AGMO: variants seen among roughly 807,000 people sequenced by gnomAD.
AGMO encodes glyceryl-ether monooxygenase.
In AGMO, 75 loss-of-function variants were observed where a neutral mutation model predicts 60.2. That is an observed-to-expected ratio of 1.25 (90% CI 1.03 to 1.51). The LOEUF (loss-of-function observed/expected upper bound fraction) is 1.51, where lower values mean the gene tolerates loss of function less well. AGMO is among the 40% of genes most tolerant of loss of function. The pLI is 0.00. For synonymous variants in AGMO, 261 were observed against 177.1 expected, an observed-to-expected ratio of 1.47 and a Z score of -3.76; for missense variants, 763 against 525.5, an observed-to-expected ratio of 1.45 and a Z score of -4.42.
intron 12 of AGMO, among the ~76,000 whole-genome samples, chr7:15,359,846 G>T (rs1782683588): frequency 6.6e-6 from 1 of 152,150 alleles, no homozygotes; most frequent in South Asian, 2.1e-4. Context: ...CTTTCCATAT[G>T]ATAGTGTATT....
rs1308739639 is a variant in AGMO, at chr7:15,418,555, T to G, written c.609+3A>C. 18 of 1,569,140 alleles carry G rather than the reference T, an allele frequency of 1.1e-5. No individual in the cohort carries two copies. Among genetic ancestry groups the G allele is most frequent in the Non-Finnish European group, 1.4e-5 (16 of 1,151,528 alleles). On this transcript the variant is annotated splice_donor_region_variant and intron_variant, in intron 5 of 12. Transcript: ENST00000342526. ...AACTTACAAAGATAAAAAAAAGTTTTACCTCTGTATGGATCCAAAATTGGT... is the reference window on the plus strand; with the variant it reads ...AACTTACAAAGATAAAAAAAAGTTTGACCTCTGTATGGATCCAAAATTGGT...
chr7:15,385,482 C>T lies in AGMO; in HGVS notation c.1038G>A (p.Met346Ile), dbSNP rs768884011. Residue 346 changes from methionine (M) to isoleucine (I), a missense_variant, in exon 10 of 13, where the codon ATG becomes ATA. Coordinates refer to ENST00000342526, the MANE Select transcript of AGMO (RefSeq NM_001004320.2). ...KIYTVVQFALMLAFYEETFAD... is the reference protein window; with the variant it reads ...KIYTVVQFALILAFYEETFAD... ...CAAAGGTCTCTTCATAAAATGCCAA[C>T]ATCAGAGCAAACTGTACAACTGTAT... 6.2e-6 allele frequency: 10 copies of T among 1,611,640 alleles called. No homozygotes were observed. The Admixed American group carries it at 8.3e-5, about 13-fold the overall frequency.
At chr7:15,139,757 T>C in the AGMO span, among the ~76,000 whole-genome samples, 1 of 149,956 alleles carries the variant, frequency 6.7e-6, no homozygotes. Flanking sequence ...CTTTCCAATA[T>C]ATTCCTTTGC....
chr7:15,202,846 G>A (rs1211272544), intron 12 of AGMO, among the ~76,000 whole-genome samples: 1 of 152,070 alleles, frequency 6.6e-6, no homozygotes, highest in East Asian at 1.9e-4. Flanking sequence ...CTGCGCTGGG[G>A]GGAGTATTTT....
At chr7:15,123,813 C>T in the AGMO span, among the ~76,000 whole-genome samples, 2 of 151,962 alleles carry the variant, frequency 1.3e-5, no homozygotes, top group Non-Finnish European at 2.9e-5. Flanking sequence ...TAAATAAAAT[C>T]ATTGATGAGT....
At chr7:15,301,815 T>C (rs142971357) in intron 12 of AGMO, among the ~76,000 whole-genome samples, 62 of 152,274 alleles carry the variant, frequency 4.1e-4, no homozygotes, top group African/African-American at 1.4e-3. Context: ...ATTTTTACTG[T>C]TAAATTTTTA....
At chr7:15,222,996 T>G (rs1243859853) in intron 12 of AGMO, among the ~76,000 whole-genome samples, 1 of 152,084 alleles carries the variant, frequency 6.6e-6, no homozygotes, top group East Asian at 1.9e-4. Flanking sequence ...TACAGATGCA[T>G]GAGTGTGCAT....
intron 12 of AGMO, among the ~76,000 whole-genome samples, chr7:15,207,208 G>A (rs969106126): frequency 6.6e-6 from 1 of 152,038 alleles, no homozygotes; most frequent in Non-Finnish European, 1.5e-5. Flanking sequence ...ACTTTAATAC[G>A]GTTGGCATGA....
At chr7:15,386,994 T>C (rs1241749677) in intron 9 of AGMO, among the ~76,000 whole-genome samples, 2 of 152,202 alleles carry the variant, frequency 1.3e-5, no homozygotes, top group Non-Finnish European at 2.9e-5. Flanking sequence ...TAGATACATC[T>C]GTTCTGGGGG....
chr7:15,455,972 A>AT (rs775170855), intron 3 of AGMO, among the ~76,000 whole-genome samples: 41 of 152,102 alleles, frequency 2.7e-4, no homozygotes, highest in Middle Eastern at 3.4e-3. Context: ...TTCTTAATGC[A>AT]TTTTTTTATG....
At chr7:15,517,192 CAAG>C (rs1783837910) in intron 3 of AGMO, among the ~76,000 whole-genome samples, 1 of 151,806 alleles carries the variant, frequency 6.6e-6, no homozygotes, top group Admixed American at 6.6e-5. Context: ...GATGGAATCA[CAAG>C]AAGGACTTAT....
At chr7:15,370,426 C>G (rs1024591336) in intron 10 of AGMO, among the ~76,000 whole-genome samples, 1 of 152,194 alleles carries the variant, frequency 6.6e-6, no homozygotes, top group East Asian at 1.9e-4. Flanking sequence ...AATGGGACTG[C>G]TGTGTCAAAT....
intron 12 of AGMO, among the ~76,000 whole-genome samples, chr7:15,237,783 G>T (rs541323498): frequency 6.6e-6 from 1 of 152,134 alleles, no homozygotes; most frequent in East Asian, 1.9e-4. Flanking sequence ...CTTCTTGACT[G>T]TAGGCTTCAA....
intron 3 of AGMO, among the ~76,000 whole-genome samples, chr7:15,538,364 C>G (rs1203815441): frequency 6.6e-6 from 1 of 152,078 alleles, no homozygotes; most frequent in Non-Finnish European, 1.5e-5. Flanking sequence ...TTCTGAGCAG[C>G]TAGAATTGTA....
chr7:15,275,906 T>C (rs1446261181), intron 12 of AGMO, among the ~76,000 whole-genome samples: 1 of 152,232 alleles, frequency 6.6e-6, no homozygotes, highest in Non-Finnish European at 1.5e-5. Context: ...TTCCACCACT[T>C]TCAGTCTGTG....
chr7:15,555,996 C>T (rs1000525712), intron 2 of AGMO, among the ~76,000 whole-genome samples: 8 of 151,820 alleles, frequency 5.3e-5, no homozygotes, highest in African/African-American at 1.9e-4. Flanking sequence ...TAACGTTACA[C>T]AGATTCATTT....
intron 12 of AGMO, among the ~76,000 whole-genome samples, chr7:15,253,262 T>C (rs1267066843): frequency 2.0e-5 from 3 of 152,268 alleles, no homozygotes; most frequent in East Asian, 3.9e-4. Flanking sequence ...AAAGTGTGCA[T>C]TTCAGAACTT....
intron 12 of AGMO, among the ~76,000 whole-genome samples, chr7:15,225,064 T>TTTTTTTG (rs1782036542): frequency 6.6e-6 from 1 of 151,918 alleles, no homozygotes; most frequent in African/African-American, 2.4e-5. Flanking sequence ...CTTTCAGTCT[T>TTTTTTTG]TTTTTTCTTT....
intron 12 of AGMO, among the ~76,000 whole-genome samples, chr7:15,214,488 T>C (rs547290922): frequency 6.6e-6 from 1 of 152,108 alleles, no homozygotes; most frequent in South Asian, 2.1e-4. Flanking sequence ...ACAAACGCTT[T>C]ATGACAATTT....
Sources: gnomAD v4.1 joint callset for allele counts (sites outside exome capture counted in the v4.1 genomes callset) on GRCh38, gnomAD v4.1.1 for gene constraint, MANE v1.5 for transcripts, NCBI Gene and HGNC (gene_info 2026-07-23, HGNC 2026-07-21) for gene names.